BMPR2: variants seen among roughly 807,000 people sequenced by gnomAD.
BMPR2 encodes bone morphogenetic protein receptor type-2.
BMPR2 carries 29 observed loss-of-function variants against 100.8 expected under a neutral mutation model. The observed-to-expected ratio is 0.29, with a 90% CI of 0.21 to 0.39. The LOEUF is 0.39. BMPR2 is among the 10% of genes least tolerant of loss of function. BMPR2 has a pLI of 1.00. For synonymous variants in BMPR2, 382 were observed against 442.3 expected, an observed-to-expected ratio of 0.86 and a Z score of 1.71; for missense variants, 1,011 against 1,274.5, an observed-to-expected ratio of 0.79 and a Z score of 3.15.
intron 3 of BMPR2, among the ~76,000 whole-genome samples, chr2:202,485,458 C>T (rs1692753550): frequency 1.3e-5 from 2 of 150,796 alleles, no homozygotes; most frequent in South Asian, 2.1e-4. Context: ...TGGTGTTCCT[C>T]GGTTTGTAGC....
Position 202,377,366 on chromosome 2 carries a change from C to G in BMPR2, c.-109C>G. The stretch of plus-strand genomic sequence containing the variant: ...TGTCCTTTCAAACTGTATTGTGATA[C>G]GGGCAGGATCAGTCCACGGGAGAGA... On this transcript the variant is annotated 5_prime_UTR_variant, in exon 1 of 13. Transcript: ENST00000374580. The G allele has an allele frequency of 3.9e-6, 4 of 1,025,520 alleles. No individual in the cohort carries two copies. Among genetic ancestry groups the G allele is most frequent in the Non-Finnish European group, 6.2e-6 (4 of 643,146 alleles). The allele number at this position is 1,025,520 out of a possible 1,614,324, so 63.5% of individuals were successfully genotyped here.
In BMPR2 at chr2:202,428,426, G is replaced by A. The variant is rs531315449; in HGVS notation, c.77-36383G>A. On this transcript the variant is annotated intron_variant, in intron 1 of 12. Coordinates refer to ENST00000374580, the MANE Select transcript of BMPR2 (RefSeq NM_001204.7). ...TCTCTCTTTTTTTTTTAAGAGACGG[G>A]CTTACTCCATCTGCCAGGCTGGAGC... Among the ~76,000 whole-genome samples, 37 of 151,020 alleles carry A rather than the reference G, an allele frequency of 2.5e-4. No individual in the cohort carries two copies. In the Middle Eastern group the frequency reaches 0.01, roughly 42 times the overall value.
At chr2:202,444,543 G>C (rs1691813744) in intron 1 of BMPR2, among the ~76,000 whole-genome samples, 1 of 150,494 alleles carries the variant, frequency 6.6e-6, no homozygotes, top group Non-Finnish European at 1.5e-5. Flanking sequence ...AAATTTTAAA[G>C]ACTTTAGTTA....
intron 9 of BMPR2, among the ~76,000 whole-genome samples, chr2:202,535,205 G>A (rs1163189422): frequency 4.0e-5 from 6 of 149,200 alleles, no homozygotes; most frequent in Middle Eastern, 3.5e-3. Context: ...CCTCCCTCCC[G>A]GACGGGGTGG....
intron 11 of BMPR2, among the ~76,000 whole-genome samples, 165 bp downstream of exon 11, chr2:202,553,053 T>C (rs1036665928): frequency 6.6e-6 from 1 of 152,208 alleles, no homozygotes; most frequent in East Asian, 1.9e-4. Context: ...CTATTGAACA[T>C]TTTTGTTTGG....
In BMPR2 at chr2:202,485,162, A is replaced by G. The variant is rs1031879006; in HGVS notation, c.418+17473A>G. 7.9e-5 allele frequency among the ~76,000 whole-genome samples: 12 copies of G among 152,090 alleles called. No individual in the cohort carries two copies. The East Asian group carries it at 1.2e-3, about 15-fold the overall frequency. On this transcript the variant is annotated intron_variant, in intron 3 of 12. Coordinates refer to ENST00000374580, the MANE Select transcript of BMPR2 (RefSeq NM_001204.7). ...TAGTTTCTAATTATTTTTGAATAAT[A>G]TAAATGGTAATTAATGCCTCTGTTT... is the stretch of plus-strand genomic sequence containing the variant.
chr2:202,397,859 G>A (rs1470953846), intron 1 of BMPR2, among the ~76,000 whole-genome samples: 2 of 150,968 alleles, frequency 1.3e-5, no homozygotes, highest in African/African-American at 2.4e-5. Context: ...GGTGGCTCCC[G>A]CCTGTAATCC....
chr2:202,504,269 G>A (rs192810965), intron 3 of BMPR2, among the ~76,000 whole-genome samples: 2 of 152,150 alleles, frequency 1.3e-5, no homozygotes, highest in Admixed American at 1.3e-4. Flanking sequence ...AATAAATCTT[G>A]CTACTGCTCA....
chr2:202,489,230 T>C (rs1465264381), intron 3 of BMPR2, among the ~76,000 whole-genome samples: 3 of 152,168 alleles, frequency 2.0e-5, no homozygotes, highest in African/African-American at 7.2e-5. Context: ...CTCAAACTCC[T>C]GACATCAGGC....
At chr2:202,498,745 G>A (rs1377396428) in intron 3 of BMPR2, among the ~76,000 whole-genome samples, 5 of 152,026 alleles carry the variant, frequency 3.3e-5, no homozygotes, top group Middle Eastern at 3.2e-3. Context: ...TCTGCACTAC[G>A]GCTTGGCCCC....
intron 3 of BMPR2, among the ~76,000 whole-genome samples, chr2:202,498,364 G>A (rs988367927): frequency 2.0e-5 from 3 of 152,286 alleles, no homozygotes; most frequent in South Asian, 2.1e-4. Flanking sequence ...CTGCTGCTGC[G>A]TCAGTGAGCG....
intron 3 of BMPR2, among the ~76,000 whole-genome samples, chr2:202,483,859 A>T (rs1692712878): frequency 6.6e-6 from 1 of 152,200 alleles, no homozygotes; most frequent in South Asian, 2.1e-4. Flanking sequence ...CAGGAGGCTG[A>T]GGTGGGAAAA....
intron 4 of BMPR2, 54 bp from the exon 5 acceptor site, chr2:202,514,834 A>G: frequency 7.2e-7 from 1 of 1,382,890 alleles, no homozygotes; most frequent in South Asian, 1.2e-5. Context: ...AAGTGTAAAA[A>G]GATATTCATT....
At position 202,559,824 on chromosome 2, in the gene BMPR2, G is replaced by A. The variant is rs761524761; in HGVS notation, c.2995G>A (p.Glu999Lys). The change falls in exon 13 of 13, where the codon GAA becomes AAA. Residue 999 changes from glutamate (E) to lysine (K), a missense_variant. Around this residue, in one of 6 missense-constraint regions of BMPR2, gnomAD observed 58 missense variants for 72.3 expected, o/e 0.80. Coordinates refer to ENST00000374580, the MANE Select transcript of BMPR2 (RefSeq NM_001204.7). ...WVISTESLDCEVNNNGSNRAV... is the reference protein window; with the variant it reads ...WVISTESLDCKVNNNGSNRAV... The stretch of plus-strand genomic sequence containing the variant: ...CATCTCCACTGAATCGCTGGACTGT[G>A]AAGTCAACAATAATGGCAGTAACAG... 6.2e-7 allele frequency: 1 copy of A among 1,614,142 alleles called. No homozygotes were observed. Among genetic ancestry groups the A allele is most frequent in the Non-Finnish European group, 8.5e-7 (1 of 1,180,030 alleles).
At chr2:202,379,354 A>T (rs1341277430) in intron 1 of BMPR2, among the ~76,000 whole-genome samples, 1 of 152,222 alleles carries the variant, frequency 6.6e-6, no homozygotes, top group East Asian at 1.9e-4. Context: ...GAATTTGAAT[A>T]ACTCACCACA....
rs936982827 is a variant in BMPR2, at chr2:202,566,213, G to A, written c.*6267G>A. The A allele has an allele frequency of 6.6e-6, 1 of 152,492 alleles. No individual in the cohort carries two copies. Among genetic ancestry groups the A allele is most frequent in the Non-Finnish European group, 1.5e-5 (1 of 67,966 alleles). 9.4% of individuals were successfully genotyped at this position (152,492 alleles called of 1,614,324 possible). ...TTTATCCATTTTATTTATACCTTTA[G>A]ATTTCAGAAACATCTTCATGTTTTA... On this transcript the variant is annotated 3_prime_UTR_variant, in exon 13 of 13. Coordinates refer to ENST00000374580, the MANE Select transcript of BMPR2 (RefSeq NM_001204.7).
chr2:202,550,364 C>T (rs1044461279), intron 10 of BMPR2, among the ~76,000 whole-genome samples: 19 of 137,542 alleles, frequency 1.4e-4, no homozygotes, highest in African/African-American at 5.3e-4. Flanking sequence ...CAGAGCGAGA[C>T]TCCTATCTCC....
intron 1 of BMPR2, among the ~76,000 whole-genome samples, chr2:202,406,132 C>A (rs993719642): frequency 3.3e-5 from 5 of 152,104 alleles, no homozygotes; most frequent in Non-Finnish European, 7.4e-5. Flanking sequence ...TATGGGTGGC[C>A]CTATCTCTAC....
rs1688691222 is a variant in BMPR2 at position 202,562,430 on chromosome 2, G to A, written c.*2484G>A. The stretch of plus-strand genomic sequence containing the variant: ...AACTCCTGAAAAAGTAGGAAAGGTG[G>A]AAAGTATATATCATTTTTATAAATT... On this transcript the variant is annotated 3_prime_UTR_variant, in exon 13 of 13. Coordinates refer to ENST00000374580, the MANE Select transcript of BMPR2 (RefSeq NM_001204.7). The A allele has an allele frequency of 6.6e-6, 1 of 152,544 alleles. No individual in the cohort carries two copies. Among genetic ancestry groups the A allele is most frequent in the East Asian group, 1.9e-4 (1 of 5,202 alleles). 9.4% of individuals were successfully genotyped at this position (152,544 alleles called of 1,614,324 possible).
Sources: allele counts gnomAD v4.1 joint callset (sites outside exome capture counted in the v4.1 genomes callset), GRCh38; gene constraint gnomAD v4.1.1; regional missense constraint gnomAD v4.1.1; transcripts MANE v1.5; gene names NCBI Gene and HGNC (gene_info 2026-07-23, HGNC 2026-07-21).